PDE4D: variants seen among roughly 807,000 people sequenced by gnomAD.
PDE4D encodes phosphodiesterase 4D.
PDE4D carries 24 observed loss-of-function variants against 87.4 expected under a neutral mutation model. That is an observed-to-expected ratio of 0.27 (90% confidence interval 0.20 to 0.39). PDE4D has a LOEUF of 0.39. Among genes scored for constraint, PDE4D ranks in the 10% least tolerant of loss-of-function variants. The pLI is 1.00. For missense variants in PDE4D, 714 were observed against 1,041.0 expected (o/e 0.69, Z 4.32); for synonymous variants, 384 against 383.2 (o/e 1.00, Z -0.02).
At chr5:59,297,318 T>G (rs75950448) in intron 1 of PDE4D, among the ~76,000 whole-genome samples, 4,257 of 152,296 alleles carry the variant, frequency 0.028, 223 homozygotes, top group African/African-American at 0.097. Flanking sequence ...TGTTATCTAT[T>G]TAATCCAACT....
chr5:60,284,330 A>C (rs900577674), intron 1 of PDE4D, among the ~76,000 whole-genome samples: 8 of 152,136 alleles, frequency 5.3e-5, no homozygotes, highest in Admixed American at 6.6e-5. Flanking sequence ...CCAATAATAG[A>C]GTTATCTTCT....
intron 2 of PDE4D, among the ~76,000 whole-genome samples, chr5:60,146,238 T>G (rs1780990385): frequency 6.6e-6 from 1 of 151,948 alleles, no homozygotes; most frequent in African/African-American, 2.4e-5. Flanking sequence ...CAAACAAAAA[T>G]TACAGAGGAA....
In PDE4D at chr5:59,395,666, T is replaced by G. The variant is rs528252124; in HGVS notation, c.456-179698A>C. Among the ~76,000 whole-genome samples the G allele has an allele frequency of 3.1e-3, 430 of 140,764 alleles. 2 individuals carry two copies. Among genetic ancestry groups the G allele is most frequent in the African/African-American group, 0.011 (417 of 36,778 alleles). The allele number at this position is 140,764 out of a possible 152,430, so 92.3% of individuals were successfully genotyped here. The stretch of plus-strand genomic sequence containing the variant: ...ACAGAAAAACTGGAAACTCTAAAAA[T>G]CAGAGCGCCTCTCCTCCTCTAAAGG... On this transcript the variant is annotated intron_variant, in intron 1 of 14. Coordinates refer to ENST00000340635, the MANE Select transcript of PDE4D (RefSeq NM_001104631.2).
At chr5:59,648,257 ATATATTCACTGAC>A (rs1475287670) in intron 1 of PDE4D, among the ~76,000 whole-genome samples, 1 of 152,196 alleles carries the variant, frequency 6.6e-6, no homozygotes, top group Non-Finnish European at 1.5e-5. Context: ...TGCTCAGGAG[ATATATTCACTGAC>A]CAATTCCCCA....
chr5:58,989,877 A>C lies in PDE4D; in HGVS notation c.1330T>G (p.Leu444Val). The change falls in exon 10 of 15, where the codon TTA (leucine) becomes GTA (valine). Residue 444 changes from leucine (L) to valine (V), a missense_variant. Around this residue, in one of 7 missense-constraint regions of PDE4D, gnomAD observed 141 missense variants for 204.3 expected, o/e 0.69. Coordinates refer to ENST00000340635, the MANE Select transcript of PDE4D (RefSeq NM_001104631.2). ...TCGAGAGTCATAAGATATGTAATTA[A>C]AGTATCTACTGGAATTTTAAATGTT... ...LKTFKIPVDTLITYLMTLEDH... is the reference protein window; with the variant it reads ...LKTFKIPVDTVITYLMTLEDH... The C allele has an allele frequency of 6.4e-7, 1 of 1,551,666 alleles. No homozygotes were observed. The highest frequency in any genetic ancestry group is 8.9e-7 in the Non-Finnish European group (1 of 1,125,580).
chr5:60,036,833 T>C (rs1322532374), intron 2 of PDE4D, among the ~76,000 whole-genome samples: 1 of 152,224 alleles, frequency 6.6e-6, no homozygotes, highest in Non-Finnish European at 1.5e-5. Context: ...CAGGGTCCAT[T>C]GGTTTACTCG....
chr5:59,831,595 A>G (rs1471604276), intron 1 of PDE4D, among the ~76,000 whole-genome samples: 4 of 152,094 alleles, frequency 2.6e-5, no homozygotes, highest in Admixed American at 2.6e-4. Flanking sequence ...AAACAGGCTT[A>G]GTGAGGTTGC....
At chr5:59,694,057 T>C (rs1179522427) in intron 1 of PDE4D, among the ~76,000 whole-genome samples, 2 of 152,214 alleles carry the variant, frequency 1.3e-5, no homozygotes, top group Non-Finnish European at 2.9e-5. Context: ...ATTTATTCAC[T>C]AGATTAAGGC....
chr5:60,069,209 C>T (rs1050034284), intron 2 of PDE4D, among the ~76,000 whole-genome samples: 1 of 152,112 alleles, frequency 6.6e-6, no homozygotes, highest in East Asian at 1.9e-4. Flanking sequence ...ATCTTTGTCT[C>T]CCTAAATCTA....
At chr5:59,470,972 A>C (rs1187201256) in intron 1 of PDE4D, among the ~76,000 whole-genome samples, 2 of 152,150 alleles carry the variant, frequency 1.3e-5, no homozygotes, top group Admixed American at 1.3e-4. Flanking sequence ...AATGGCTCAT[A>C]CCTGGGATCC....
In PDE4D at chr5:59,053,103, G is replaced by C. The variant is rs115273088; in HGVS notation, c.809-14132C>G. Among the ~76,000 whole-genome samples, 781 of 152,088 alleles carry C rather than the reference G, an allele frequency of 5.1e-3. 7 individuals are homozygous for C. Among genetic ancestry groups the C allele is most frequent in the African/African-American group, 0.018 (742 of 41,484 alleles). Reference sequence around the variant, plus strand: ...AGTATTGATGGTATCTGCTATTTTAGATTATTTAAACTGTAGTCACTAAGG... The same window carrying C: ...AGTATTGATGGTATCTGCTATTTTACATTATTTAAACTGTAGTCACTAAGG... On this transcript the variant is annotated intron_variant, in intron 5 of 14. Coordinates refer to ENST00000340635, the MANE Select transcript of PDE4D (RefSeq NM_001104631.2).
intron 1 of PDE4D, among the ~76,000 whole-genome samples, chr5:60,315,758 C>T (rs898145808): frequency 2.4e-4 from 37 of 152,018 alleles, no homozygotes; most frequent in Non-Finnish European, 3.7e-4. Context: ...TTTCCCCATT[C>T]CTTGTTTTTG....
rs202132919 is a variant in PDE4D, at chr5:60,257,240, GAA to G, written c.-89-71555_-89-71554del. Among the ~76,000 whole-genome samples the G allele has an allele frequency of 9.1e-5, 13 of 142,304 alleles. No individual in the cohort carries two copies. The South Asian group carries it at 2.8e-3, about 31-fold the overall frequency. The allele number at this position is 142,304 out of a possible 152,430, so 93.4% of individuals were successfully genotyped here. On this transcript the variant is annotated intron_variant, in intron 1 of 16. Transcript: ENST00000502484. ...AAAGAAAGAGAAAGAAAGAAAGAAA[GAA>G]AGAAAGAAAGAAAAGAAAAGAAAGA...
At chr5:59,011,333 G>A (rs535568509) in intron 6 of PDE4D, among the ~76,000 whole-genome samples, 1 of 152,128 alleles carries the variant, frequency 6.6e-6, no homozygotes, top group African/African-American at 2.4e-5. Context: ...CAGACGATGG[G>A]TAATAAACTT....
chr5:59,645,392 G>A (rs1385487053), intron 1 of PDE4D, among the ~76,000 whole-genome samples: 1 of 152,202 alleles, frequency 6.6e-6, no homozygotes, highest in African/African-American at 2.4e-5. Context: ...TAAGATCAAT[G>A]TCTACGTACT....
chr5:59,811,276 G>A (rs774953876), intron 1 of PDE4D, among the ~76,000 whole-genome samples: 7 of 152,160 alleles, frequency 4.6e-5, no homozygotes, highest in Non-Finnish European at 1.0e-4. Flanking sequence ...AGACTCCTAA[G>A]CTCTGTCTTT....
intron 1 of PDE4D, among the ~76,000 whole-genome samples, chr5:59,312,233 C>T (rs1772830888): frequency 1.3e-5 from 2 of 152,190 alleles, no homozygotes; most frequent in African/African-American, 4.8e-5. Flanking sequence ...TCATAGAGGG[C>T]TTCCCCAAAT....
Position 59,264,531 on chromosome 5 carries a change from A to G in PDE4D, c.456-48563T>C, listed in dbSNP as rs374834908. ...GTTTTATATTACCCTAGAAGCTCTT[A>G]CTGATTCATATACTAGTAGACTCTT... On this transcript the variant is annotated intron_variant, in intron 1 of 14. Coordinates refer to ENST00000340635, the MANE Select transcript of PDE4D (RefSeq NM_001104631.2). Among the ~76,000 whole-genome samples, 3 of 151,936 alleles carry G rather than the reference A, an allele frequency of 2.0e-5. No homozygotes were observed. In the South Asian group the frequency reaches 6.2e-4, roughly 31 times the overall value.
chr5:59,111,656 C>T (rs1424650202), intron 5 of PDE4D, among the ~76,000 whole-genome samples: 1 of 151,972 alleles, frequency 6.6e-6, no homozygotes, highest in Non-Finnish European at 1.5e-5. Flanking sequence ...ATTCTAAATC[C>T]CAAGGGGAAT....
Sources: allele counts gnomAD v4.1 joint callset (sites outside exome capture counted in the v4.1 genomes callset), GRCh38; gene constraint gnomAD v4.1.1; regional missense constraint gnomAD v4.1.1; transcripts MANE v1.5; gene names NCBI Gene and HGNC (gene_info 2026-07-23, HGNC 2026-07-21).